Variants in TULP4 observed in about 807,000 individuals in gnomAD.
The protein encoded by TULP4 is TUB like protein 4, also known as tubby-related protein 4.
In TULP4, 16 loss-of-function variants were observed where a neutral mutation model predicts 129.0. The observed-to-expected ratio is 0.12, with a 90% CI of 0.08 to 0.19. The LOEUF (loss-of-function observed/expected upper bound fraction) is 0.19. TULP4 is among the 10% of genes least tolerant of loss of function. TULP4 has a pLI of 1.00. For synonymous variants in TULP4, 998 were observed against 854.0 expected, an observed-to-expected ratio of 1.17 and a Z score of -2.94; for missense variants, 1,842 against 2,059.1, an observed-to-expected ratio of 0.89 and a Z score of 2.04.
At position 158,424,737 on chromosome 6, in the gene TULP4, A is replaced by G. The variant is rs968906407; in HGVS notation, c.382-4999A>G. Among the ~76,000 whole-genome samples the G allele has an allele frequency of 2.0e-5, 3 of 152,340 alleles. No individual in the cohort carries two copies. The South Asian group carries it at 6.2e-4, about 32-fold the overall frequency. On this transcript the variant is annotated intron_variant, in intron 2 of 13. Coordinates refer to ENST00000367097, the MANE Select transcript of TULP4 (RefSeq NM_020245.5). ...GGTTGAATTCATGGATACAGAATCC[A>G]TGGATACAGATGACAAACTGTATAT...
At chr6:158,386,824 A>C (rs934261379) in intron 1 of TULP4, among the ~76,000 whole-genome samples, 1 of 152,122 alleles carries the variant, frequency 6.6e-6, no homozygotes, top group Non-Finnish European at 1.5e-5. Flanking sequence ...CTATCTCATA[A>C]GGTAATTGTG....
intron 1 of TULP4, among the ~76,000 whole-genome samples, chr6:158,365,899 CTTTTT>C (rs5881257): frequency 1.9e-4 from 11 of 57,562 alleles, no homozygotes; most frequent in African/African-American, 7.3e-4. Flanking sequence ...CTTTTTCTTT[CTTTTT>C]TTTTTTTTTT....
intron 1 of TULP4, among the ~76,000 whole-genome samples, chr6:158,303,684 C>T (rs180778327): frequency 2.0e-5 from 3 of 152,332 alleles, no homozygotes; most frequent in Admixed American, 1.3e-4. Context: ...TACCTTATAT[C>T]TACCTCCCCT....
chr6:158,392,622 C>A (rs1444761158), intron 1 of TULP4, among the ~76,000 whole-genome samples: 1 of 151,766 alleles, frequency 6.6e-6, no homozygotes, highest in Non-Finnish European at 1.5e-5. Context: ...CAGGGGCCAG[C>A]CTCAGGTCAC....
chr6:158,399,111 T>C (rs1777786897), intron 1 of TULP4, among the ~76,000 whole-genome samples: 1 of 152,202 alleles, frequency 6.6e-6, no homozygotes, highest in Admixed American at 6.5e-5. Context: ...AATCCTAATG[T>C]AGTGAGGAGT....
At chr6:158,480,849 G>A (rs1486681145) in intron 7 of TULP4, among the ~76,000 whole-genome samples, 4 of 152,110 alleles carry the variant, frequency 2.6e-5, no homozygotes, top group East Asian at 1.9e-4. Flanking sequence ...GATATGCTTC[G>A]AAAGCTTGCA....
At position 158,503,036 on chromosome 6, in the gene TULP4, G is replaced by A. The variant is rs781646496; in HGVS notation, c.3373G>A (p.Asp1125Asn). 1 of 1,614,160 alleles carries A rather than the reference G, an allele frequency of 6.2e-7. No individual in the cohort carries two copies. Among genetic ancestry groups the A allele is most frequent in the South Asian group, 1.1e-5 (1 of 91,082 alleles). ...GAAACGGCCACCCCCTTACCAGTGG[G>A]ACCCCATGCTGGGTGAGGATGTTTG... ...TLKRPPPYQW[D>N]PMLGEDVWVP... Residue 1125 changes from aspartate (D) to asparagine (N), a missense_variant, in exon 13 of 14, where the codon GAC becomes AAC. Coordinates refer to ENST00000367097, the MANE Select transcript of TULP4 (RefSeq NM_020245.5). This position sits in a 1 kb window ranked among gnomAD's most constrained non-coding sequence, Gnocchi z 4.3.
chr6:158,479,356 T>C (rs770600338), intron 6 of TULP4, among the ~76,000 whole-genome samples: 9 of 152,190 alleles, frequency 5.9e-5, no homozygotes, highest in Non-Finnish European at 8.8e-5. Context: ...TGAAATATAA[T>C]ACAGGTAAAC....
Position 158,314,035 on chromosome 6 carries a change from C to A in TULP4, c.19C>A (p.His7Asn). The change falls in exon 1 of 14, where the codon CAT becomes AAT. Residue 7 changes from histidine to asparagine, a missense_variant. Transcript: ENST00000367097. MYAAVEHGPVLCSDSNI... is the reference protein window; with the variant it reads MYAAVENGPVLCSDSNI... ...AGAAAGTATGTATGCAGCAGTGGAACATGGGCCTGTGCTTTGCAGCGATTC... is the reference window on the plus strand; with the variant it reads ...AGAAAGTATGTATGCAGCAGTGGAAAATGGGCCTGTGCTTTGCAGCGATTC... The A allele has an allele frequency of 6.2e-7, 1 of 1,614,172 alleles. No homozygotes were observed. Among genetic ancestry groups the A allele is most frequent in the Non-Finnish European group, 8.5e-7 (1 of 1,180,030 alleles).
chr6:158,505,774 G>T (rs1016242952), intron 13 of TULP4, among the ~76,000 whole-genome samples: 1 of 152,196 alleles, frequency 6.6e-6, no homozygotes, highest in Non-Finnish European at 1.5e-5. Flanking sequence ...CCTCTGGCCT[G>T]TTTGTGTTTC....
intron 1 of TULP4, among the ~76,000 whole-genome samples, chr6:158,274,902 G>A (rs796655679): frequency 2.6e-5 from 4 of 152,106 alleles, no homozygotes; most frequent in South Asian, 2.1e-4. Context: ...GGTCTTTTCC[G>A]TATCCTCATA....
rs1466373099 is a variant in TULP4 at position 158,506,802 on chromosome 6, A to G, written c.*108A>G. ...CGATGCCTGGGAGGACCAGAAGCCA[A>G]CAGCAAAACTGGAAAAGCCCGGCAG... is the stretch of plus-strand genomic sequence containing the variant. On this transcript the variant is annotated 3_prime_UTR_variant, in exon 14 of 14. Coordinates refer to ENST00000367097, the MANE Select transcript of TULP4 (RefSeq NM_020245.5). 31 of 761,002 alleles carry G rather than the reference A, an allele frequency of 4.1e-5. No individual in the cohort carries two copies. In the South Asian group the frequency reaches 4.7e-4, roughly 12 times the overall value. The allele number at this position is 761,002 out of a possible 1,614,324, so 47.1% of individuals were successfully genotyped here.
chr6:158,360,695 G>A (rs1235744355), intron 1 of TULP4, among the ~76,000 whole-genome samples: 1 of 152,144 alleles, frequency 6.6e-6, no homozygotes, highest in African/African-American at 2.4e-5. Context: ...ATGGAAGATG[G>A]TAAGAATAAT....
At chr6:158,344,833 A>T (rs558945551) in intron 1 of TULP4, among the ~76,000 whole-genome samples, 1 of 152,264 alleles carries the variant, frequency 6.6e-6, no homozygotes, top group Admixed American at 6.5e-5. Context: ...TGAGGAAGAC[A>T]TATCTAAAGC....
At chr6:158,460,287 A>G (rs1779395621) in intron 5 of TULP4, among the ~76,000 whole-genome samples, 2 of 152,246 alleles carry the variant, frequency 1.3e-5, no homozygotes, top group African/African-American at 4.8e-5. Context: ...GTGTGCTGAT[A>G]GAGCCCGGGG....
intron 1 of TULP4, among the ~76,000 whole-genome samples, chr6:158,274,513 A>C (rs1778605390): frequency 1.3e-5 from 2 of 151,788 alleles, no homozygotes; most frequent in Admixed American, 1.3e-4. Flanking sequence ...GCAGTGGCTC[A>C]CGCCTGTAGT....
intron 1 of TULP4, among the ~76,000 whole-genome samples, chr6:158,269,208 C>G (rs1562500469): frequency 1.3e-5 from 2 of 151,834 alleles, no homozygotes; most frequent in Non-Finnish European, 2.9e-5. Flanking sequence ...CTTCCTATTC[C>G]AAAGTAACAG....
chr6:158,337,978 C>G (rs774438676), intron 1 of TULP4, among the ~76,000 whole-genome samples: 6 of 152,152 alleles, frequency 3.9e-5, no homozygotes, highest in Non-Finnish European at 7.4e-5. Context: ...GTCACACTTT[C>G]ACCCAACCTG....
In TULP4 at chr6:158,380,851, G is replaced by A. The variant is rs112663985; in HGVS notation, c.253-32214G>A. ...AGAGGTTGCAGTGAGCCGAGACCAC[G>A]CCACTGCACTCCAGCCTGGGCGACA... On this transcript the variant is annotated intron_variant, in intron 1 of 13. Coordinates refer to ENST00000367097, the MANE Select transcript of TULP4 (RefSeq NM_020245.5). Among the ~76,000 whole-genome samples the A allele has an allele frequency of 9.9e-4, 131 of 131,680 alleles. 2 individuals carry two copies. Among genetic ancestry groups the A allele is most frequent in the Non-Finnish European group, 2.6e-4 (17 of 65,036 alleles). 86.4% of individuals were successfully genotyped at this position (131,680 alleles called of 152,430 possible). A position where few individuals can be genotyped will look rare whatever the true frequency, so the allele number is the denominator to read the frequency against.
Sources: gnomAD v4.1 joint callset for allele counts (sites outside exome capture counted in the v4.1 genomes callset) on GRCh38, gnomAD v4.1.1 for gene constraint, Gnocchi (gnomAD v3.1) non-coding constraint, MANE v1.5 for transcripts, NCBI Gene and HGNC (gene_info 2026-07-23, HGNC 2026-07-21) for gene names.